The following ELMO1 variants were observed in gnomAD, a reference collection of about 807,000 sequenced individuals.
ELMO1 encodes engulfment and cell motility 1.
In ELMO1, 26 loss-of-function variants were observed where a neutral mutation model predicts 98.9. The ratio of observed to expected loss-of-function variants is 0.26; its 90% CI spans 0.19 to 0.36. The LOEUF is 0.36. Among genes scored for constraint, ELMO1 ranks in the 10% least tolerant of loss-of-function variants. The pLI, the probability that ELMO1 is intolerant of heterozygous loss-of-function variation, is 1.00. For missense variants in ELMO1, 627 were observed against 935.2 expected (o/e 0.67, Z 4.30); for synonymous variants, 346 against 346.0 (o/e 1.00, Z 0.00).
intron 1 of ELMO1, among the ~76,000 whole-genome samples, chr7:37,373,201 G>C (rs1387958656): frequency 6.6e-6 from 1 of 152,230 alleles, no homozygotes; most frequent in East Asian, 1.9e-4. Flanking sequence ...AACCTAAAGT[G>C]AAAAGCAAAT....
chr7:37,061,300 T>C (rs1796654455), intron 15 of ELMO1, among the ~76,000 whole-genome samples: 1 of 152,180 alleles, frequency 6.6e-6, no homozygotes, highest in Non-Finnish European at 1.5e-5. Context: ...GGTTTCTACA[T>C]AGAGTTAGCC....
chr7:37,292,745 C>T (rs1797786630), intron 4 of ELMO1, among the ~76,000 whole-genome samples: 1 of 81,718 alleles, frequency 1.2e-5, no homozygotes, highest in Non-Finnish European at 2.7e-5. Context: ...GTGGGGGGGT[C>T]AGCCCCCCGC....
chr7:37,199,034 A>T (rs1792131193), intron 13 of ELMO1, among the ~76,000 whole-genome samples: 1 of 152,188 alleles, frequency 6.6e-6, no homozygotes, highest in South Asian at 2.1e-4. Flanking sequence ...TGCCTTTGAT[A>T]GGCGCGCCCC....
At chr7:37,080,517 C>T (rs1348124066) in intron 15 of ELMO1, among the ~76,000 whole-genome samples, 2 of 150,522 alleles carry the variant, frequency 1.3e-5, no homozygotes, top group Non-Finnish European at 3.0e-5. Context: ...AGTTCACTGC[C>T]ATCTCTGCCT....
intron 16 of ELMO1, among the ~76,000 whole-genome samples, chr7:36,930,489 T>C (rs921483302): frequency 5.3e-5 from 8 of 152,260 alleles, no homozygotes; most frequent in Admixed American, 1.3e-4. Flanking sequence ...AAATTACATA[T>C]GCTTTTAATT....
At chr7:37,043,616 T>C (rs1187774687) in intron 15 of ELMO1, among the ~76,000 whole-genome samples, 1 of 152,174 alleles carries the variant, frequency 6.6e-6, no homozygotes, top group Non-Finnish European at 1.5e-5. Flanking sequence ...TAAACTTCAT[T>C]ACAATGATAT....
At chr7:37,240,041 T>TTC (rs1469525904) in intron 7 of ELMO1, among the ~76,000 whole-genome samples, 3 of 127,730 alleles carry the variant, frequency 2.3e-5, no homozygotes, top group African/African-American at 9.8e-5. Flanking sequence ...TCTTTTTTTT[T>TTC]TTCTTTTTTT....
At chr7:37,363,572 A>T (rs1801782496) in intron 1 of ELMO1, among the ~76,000 whole-genome samples, 1 of 152,042 alleles carries the variant, frequency 6.6e-6, no homozygotes, top group South Asian at 2.1e-4. Flanking sequence ...AGTTGCCCAA[A>T]CATGCCAAGC....
chr7:36,963,631 G>C (rs1241553859), intron 16 of ELMO1, among the ~76,000 whole-genome samples: 1 of 152,066 alleles, frequency 6.6e-6, no homozygotes, highest in Non-Finnish European at 1.5e-5. Context: ...CTGTAAGATT[G>C]AATTAGTTCT....
At chr7:37,063,829 T>A (rs1323196055) in intron 15 of ELMO1, among the ~76,000 whole-genome samples, 1 of 152,118 alleles carries the variant, frequency 6.6e-6, no homozygotes, top group African/African-American at 2.4e-5. Flanking sequence ...TCCTACCTCC[T>A]TAAGTAGTAA....
At chr7:37,371,643 G>A (rs371409325) in intron 1 of ELMO1, among the ~76,000 whole-genome samples, 43 of 152,234 alleles carry the variant, frequency 2.8e-4, no homozygotes, top group African/African-American at 9.9e-4. Flanking sequence ...ATCTGCTAAC[G>A]AACGTTTCTT....
At chr7:37,156,262 G>T (rs376160763) in intron 13 of ELMO1, among the ~76,000 whole-genome samples, 5 of 152,032 alleles carry the variant, frequency 3.3e-5, no homozygotes, top group Non-Finnish European at 7.4e-5. Context: ...ACAATTAAAA[G>T]AACTAGAGAA....
At position 36,894,919 on chromosome 7, in the gene ELMO1, A is replaced by G. The variant is rs777742599; in HGVS notation, c.1536T>C (p.Thr512=). Residue 512 remains threonine, a synonymous_variant, in exon 17 of 22, where the codon ACT becomes ACC. Transcript: ENST00000310758. The part of the protein sequence containing the change: ...FKSKLQNLSY[T]EILKIRQSER... Reference sequence around the variant, plus strand: ...CGGACTGGCGGATTTTCAGGATCTCAGTGTAGCTCAGGTTCTGCAGTTTGC... The same window carrying G: ...CGGACTGGCGGATTTTCAGGATCTCGGTGTAGCTCAGGTTCTGCAGTTTGC... The G allele has an allele frequency of 2.5e-6, 4 of 1,614,128 alleles. No individual in the cohort carries two copies. The highest frequency in any genetic ancestry group is 3.4e-6 in the Non-Finnish European group (4 of 1,180,000).
chr7:36,943,813 A>T (rs1223495500), intron 16 of ELMO1, among the ~76,000 whole-genome samples: 1 of 152,164 alleles, frequency 6.6e-6, no homozygotes, highest in Non-Finnish European at 1.5e-5. Flanking sequence ...GAATAACAAC[A>T]CTCATCTTTT....
chr7:37,214,261 A>G (rs914589412), intron 11 of ELMO1, among the ~76,000 whole-genome samples: 1 of 152,170 alleles, frequency 6.6e-6, no homozygotes, highest in African/African-American at 2.4e-5. Flanking sequence ...CAAACAATGG[A>G]TCAATGTGGT....
chr7:37,193,068 A>G (rs1270526954), intron 13 of ELMO1, among the ~76,000 whole-genome samples: 1 of 150,474 alleles, frequency 6.6e-6, no homozygotes, highest in Admixed American at 6.6e-5. Flanking sequence ...ATACAAAACA[A>G]AACATTGCAG....
intron 1 of ELMO1, among the ~76,000 whole-genome samples, chr7:37,369,100 A>G (rs1170748289): frequency 6.6e-6 from 1 of 152,228 alleles, no homozygotes; most frequent in East Asian, 1.9e-4. Context: ...TTTAAGATTA[A>G]GAGAGCCCAA....
At chr7:37,213,584 G>C in intron 11 of ELMO1, 127 bp from the exon 12 acceptor site, 125 of 778,956 alleles carry the variant, frequency 1.6e-4, no homozygotes, top group Non-Finnish European at 2.2e-4. Context: ...GAAGGTGAGG[G>C]CACAGGGAAT....
At chr7:37,418,446 C>T (rs1583724484) in intron 1 of ELMO1, among the ~76,000 whole-genome samples, 1 of 152,182 alleles carries the variant, frequency 6.6e-6, no homozygotes, top group East Asian at 1.9e-4. Context: ...TTTCAAAGTG[C>T]AATATCTGGT....
Sources: allele counts gnomAD v4.1 joint callset (sites outside exome capture counted in the v4.1 genomes callset), GRCh38; gene constraint gnomAD v4.1.1; transcripts MANE v1.5; gene names NCBI Gene and HGNC (gene_info 2026-07-23, HGNC 2026-07-21).